The following TEX14 variants were observed in gnomAD, a reference collection of about 807,000 sequenced individuals.
The protein encoded by TEX14 is testis expressed 14, intercellular bridge forming factor.
TEX14 carries 168 observed loss-of-function variants against 178.6 expected under a neutral mutation model. The ratio of observed to expected loss-of-function variants is 0.94; its 90% CI spans 0.83 to 1.07. The LOEUF (loss-of-function observed/expected upper bound fraction) is 1.07, where lower values mean the gene tolerates loss of function less well. TEX14 is among the 50% of genes least tolerant of loss of function. The probability of loss-of-function intolerance (pLI) is 0.00; values close to 1 mark genes in which losing one functional copy is unlikely to be tolerated. For synonymous variants in TEX14, 626 were observed against 634.1 expected (o/e 0.99, Z 0.19); for missense variants, 1,730 against 1,753.6 (o/e 0.99, Z 0.24).
chr17:58,660,413 T>C (rs1396852205), intron 1 of TEX14: 1 of 404,054 alleles, frequency 2.5e-6, no homozygotes. Context: ...AAAAAATAAA[T>C]AAAATAATAA....
intron 2 of TEX14, among the ~76,000 whole-genome samples, chr17:58,638,025 C>T (rs934344042): frequency 1.3e-5 from 2 of 151,928 alleles, no homozygotes; most frequent in African/African-American, 4.8e-5. Flanking sequence ...CCACACCCGG[C>T]TAATTTTTGT....
At chr17:58,600,793 G>A (rs895589775) in intron 13 of TEX14, among the ~76,000 whole-genome samples, 16 of 152,088 alleles carry the variant, frequency 1.1e-4, no homozygotes, top group African/African-American at 3.4e-4. Context: ...GGCTGGAATT[G>A]GAAGGCCTGG....
At chr17:58,678,853 T>TAATAATAAA (rs986061483) in intron 1 of TEX14, among the ~76,000 whole-genome samples, 30 of 146,760 alleles carry the variant, frequency 2.0e-4, no homozygotes, top group African/African-American at 6.6e-4. Context: ...ATAATAATAA[T>TAATAATAAA]AAAAGAGAAG....
At chr17:58,581,826 A>T in intron 19 of TEX14, 1 of 1,363,542 alleles carries the variant, frequency 7.3e-7, no homozygotes, top group Non-Finnish European at 1.0e-6. Flanking sequence ...GTTATCTAAC[A>T]CTACCCAGCA....
intron 1 of TEX14, among the ~76,000 whole-genome samples, chr17:58,654,950 C>T (rs936394419): frequency 6.6e-6 from 1 of 151,708 alleles, no homozygotes; most frequent in African/African-American, 2.4e-5. Context: ...CGCGCCTGGC[C>T]AAAACTTTTA....
chr17:58,634,583 A>G (rs78838389), intron 2 of TEX14, among the ~76,000 whole-genome samples: 16 of 152,286 alleles, frequency 1.1e-4, no homozygotes, highest in Non-Finnish European at 2.2e-4. Flanking sequence ...GAACTGCCCA[A>G]TGTATCTCCC....
chr17:58,654,319 T>C lies in TEX14; in HGVS notation c.-1-2317A>G, dbSNP rs138248948. On this transcript the variant is annotated intron_variant, in intron 1 of 31. Coordinates refer to ENST00000349033, the MANE Select transcript of TEX14 (RefSeq NM_031272.5). The stretch of plus-strand genomic sequence containing the variant: ...CAAATAATAATAGCATTTTTACACA[T>C]ACACCTTGTACCAAGGACCACTTAA... Among the ~76,000 whole-genome samples the C allele has an allele frequency of 3.1e-4, 47 of 152,110 alleles. 1 individual carries two copies. In the East Asian group the frequency reaches 9.1e-3, roughly 29 times the overall value.
chr17:58,594,021 G>A (rs1431649203), intron 14 of TEX14, among the ~76,000 whole-genome samples: 1 of 152,112 alleles, frequency 6.6e-6, no homozygotes, highest in African/African-American at 2.4e-5. Context: ...TGTTAGTAGA[G>A]ACAGGGTTTC....
At chr17:58,653,268 T>C (rs972936594) in intron 1 of TEX14, among the ~76,000 whole-genome samples, 3 of 152,138 alleles carry the variant, frequency 2.0e-5, no homozygotes, top group Non-Finnish European at 2.9e-5. Context: ...TTGTGTACAG[T>C]GCTTAGCATA....
At chr17:58,676,922 G>C (rs1164134684) in intron 1 of TEX14, among the ~76,000 whole-genome samples, 9 of 152,094 alleles carry the variant, frequency 5.9e-5, no homozygotes, top group Admixed American at 2.0e-4. Context: ...CCTGAGGCCA[G>C]TCTGGCCAGC....
At chr17:58,613,586 G>A (rs1444872326) in intron 8 of TEX14, 42 bp from the exon 9 acceptor site, 2 of 1,593,524 alleles carry the variant, frequency 1.3e-6, no homozygotes, top group Admixed American at 1.8e-5. Flanking sequence ...GGTGAGAGGA[G>A]GATATGATGA....
intron 5 of TEX14, 98 bp from the exon 6 acceptor site, chr17:58,617,717 G>A: frequency 1.3e-6 from 1 of 779,398 alleles, no homozygotes; most frequent in Non-Finnish European, 2.1e-6. Context: ...AGTTGACTTT[G>A]TCTTTACTGC....
chr17:58,605,207 A>G, intron 10 of TEX14, 78 bp from the exon 11 acceptor site: 1 of 1,491,976 alleles, frequency 6.7e-7, no homozygotes, highest in Admixed American at 2.0e-5. Flanking sequence ...TCATTCTTTC[A>G]TTCATTCAGA....
chr17:58,667,023 C>T (rs2047225602), intron 1 of TEX14, among the ~76,000 whole-genome samples: 1 of 152,202 alleles, frequency 6.6e-6, no homozygotes, highest in Non-Finnish European at 1.5e-5. Context: ...ATGCAAGTGA[C>T]GTCTGTCAGG....
intron 26 of TEX14, among the ~76,000 whole-genome samples, chr17:58,567,371 C>A (rs1262564399): frequency 6.6e-6 from 1 of 152,080 alleles, no homozygotes; most frequent in Non-Finnish European, 1.5e-5. Flanking sequence ...TCCCTTCCTG[C>A]AGTGCAGGAA....
intron 1 of TEX14, among the ~76,000 whole-genome samples, chr17:58,682,144 T>A (rs2047510673): frequency 1.3e-5 from 2 of 152,072 alleles, no homozygotes; most frequent in African/African-American, 4.8e-5. Context: ...AGAGGGAGTT[T>A]CACCATGTTG....
Position 58,573,358 on chromosome 17 carries a change from C to A in TEX14, c.3384-50G>T. On this transcript the variant is annotated intron_variant, in intron 22 of 31. Coordinates refer to ENST00000349033, the MANE Select transcript of TEX14 (RefSeq NM_031272.5). Reference sequence around the variant, plus strand: ...ATGATGAGAAGATGACTAGAAAAATCAAACAATATATTCCTGAGAGGTACT... The same window carrying A: ...ATGATGAGAAGATGACTAGAAAAATAAAACAATATATTCCTGAGAGGTACT... 6.3e-7 allele frequency: 1 copy of A among 1,575,480 alleles called. No homozygotes were observed. The highest frequency in any genetic ancestry group is 1.1e-5 in the South Asian group (1 of 87,822).
chr17:58,592,223 CTTTA>C (rs1223672825), intron 15 of TEX14, among the ~76,000 whole-genome samples: 2 of 147,806 alleles, frequency 1.4e-5, no homozygotes, highest in Non-Finnish European at 3.0e-5. Flanking sequence ...TAAGTTCGTT[CTTTA>C]TTTATTTAAT....
At chr17:58,595,877 AAATAT>A (rs1179808443) in intron 14 of TEX14, among the ~76,000 whole-genome samples, 6 of 152,262 alleles carry the variant, frequency 3.9e-5, no homozygotes, top group African/African-American at 1.4e-4. Context: ...ATAGATAACA[AAATAT>A]AATATATAAA....
Sources: gnomAD v4.1 joint callset for allele counts (sites outside exome capture counted in the v4.1 genomes callset) on GRCh38, gnomAD v4.1.1 for gene constraint, MANE v1.5 for transcripts, NCBI Gene and HGNC (gene_info 2026-07-23, HGNC 2026-07-21) for gene names.